MACROD2: variants seen among roughly 807,000 people sequenced by gnomAD.
The protein encoded by MACROD2 is mono-ADP ribosylhydrolase 2.
A neutral mutation model predicts 70.4 loss-of-function variants in MACROD2; 36 were observed. The observed-to-expected ratio is 0.51, with a 90% CI of 0.39 to 0.68. The LOEUF (loss-of-function observed/expected upper bound fraction) is 0.68, where lower values mean the gene tolerates loss of function less well. Ranked by LOEUF, MACROD2 falls within the 30% of genes least tolerant of loss-of-function variation. The pLI is 0.00. For missense variants in MACROD2, 496 were observed against 538.4 expected, an observed-to-expected ratio of 0.92 and a Z score of 0.78; for synonymous variants, 172 against 178.8, an observed-to-expected ratio of 0.96 and a Z score of 0.30.
Position 15,227,823 on chromosome 20 carries a change from G to GTTTTTTTTTTTTTTTTTTTTTTTTTTTTT in MACROD2, c.419-2091_419-2090insTTTTTTTTTTTTTTTTTTTTTTTTTTTTT, listed in dbSNP as rs59129207. Among the ~76,000 whole-genome samples, 19 of 46,092 alleles carry GTTTTTTTTTTTTTTTTTTTTTTTTTTTTT rather than the reference G, an allele frequency of 4.1e-4. 2 individuals carry two copies. Among genetic ancestry groups the GTTTTTTTTTTTTTTTTTTTTTTTTTTTTT allele is most frequent in the Non-Finnish European group, 5.8e-4 (15 of 26,000 alleles). 30.2% of individuals were successfully genotyped at this position (46,092 alleles called of 152,430 possible). A position where few individuals can be genotyped will look rare whatever the true frequency, so the allele number is the denominator to read the frequency against. The stretch of plus-strand genomic sequence containing the variant: ...TAACTGGTGTGATAGAATTTCACCT[G>GTTTTTTTTTTTTTTTTTTTTTTTTTTTTT]TTTTTTTTTTTTTTTTTTTTTTTTT... On this transcript the variant is annotated intron_variant, in intron 5 of 17. Coordinates refer to ENST00000684519, the MANE Select transcript of MACROD2 (RefSeq NM_001351661.2).
At chr20:14,141,169 G>A (rs1021525563) in intron 3 of MACROD2, among the ~76,000 whole-genome samples, 2 of 152,140 alleles carry the variant, frequency 1.3e-5, no homozygotes, top group Non-Finnish European at 2.9e-5. Flanking sequence ...GAACAGAGAG[G>A]TATCTGCTTG....
At chr20:15,024,932 A>G (rs183777292) in intron 5 of MACROD2, among the ~76,000 whole-genome samples, 2 of 152,252 alleles carry the variant, frequency 1.3e-5, no homozygotes, top group Admixed American at 1.3e-4. Context: ...GGGAGTTCTT[A>G]TTTCCCCCCA....
At chr20:15,234,302 G>T (rs1176083512) in intron 6 of MACROD2, among the ~76,000 whole-genome samples, 3 of 151,092 alleles carry the variant, frequency 2.0e-5, no homozygotes, top group African/African-American at 7.3e-5. Context: ...AAAGTGCTGG[G>T]ATTACAAGCG....
rs1431580677 is a variant in MACROD2, at chr20:14,100,618, A to G, written c.271+14890A>G. Among the ~76,000 whole-genome samples, 4 of 143,192 alleles carry G rather than the reference A, an allele frequency of 2.8e-5. No homozygotes were observed. In the East Asian group the frequency reaches 7.9e-4, roughly 28 times the overall value. The allele number at this position is 143,192 out of a possible 152,430, so 93.9% of individuals were successfully genotyped here. On this transcript the variant is annotated intron_variant, in intron 3 of 17. Coordinates refer to ENST00000684519, the MANE Select transcript of MACROD2 (RefSeq NM_001351661.2). Reference sequence around the variant, plus strand: ...AGACTTTAAATATTATATATAGTATATATAAAAATATATATTTTTTTTATT... The same window carrying G: ...AGACTTTAAATATTATATATAGTATGTATAAAAATATATATTTTTTTTATT...
chr20:15,002,561 G>C lies in MACROD2; in HGVS notation c.419-227379G>C, dbSNP rs147978371. On this transcript the variant is annotated intron_variant, in intron 5 of 17. Coordinates refer to ENST00000684519, the MANE Select transcript of MACROD2 (RefSeq NM_001351661.2). Reference sequence around the variant, plus strand: ...ATCACCAAGAATTTGCTTAATACTTGGTGCCTACCCAGCCTGATATTAAAC... The same window carrying C: ...ATCACCAAGAATTTGCTTAATACTTCGTGCCTACCCAGCCTGATATTAAAC... Among the ~76,000 whole-genome samples, 108 of 152,124 alleles carry C rather than the reference G, an allele frequency of 7.1e-4. 1 individual carries two copies. The highest frequency in any genetic ancestry group is 2.2e-3 in the African/African-American group (92 of 41,490).
chr20:15,028,142 C>G (rs1476636189), intron 5 of MACROD2, among the ~76,000 whole-genome samples: 1 of 152,330 alleles, frequency 6.6e-6, no homozygotes, highest in African/African-American at 2.4e-5. Flanking sequence ...TAGGGCACTG[C>G]CCCTGGAGGG....
At chr20:14,458,437 A>G (rs917236527) in intron 3 of MACROD2, among the ~76,000 whole-genome samples, 3 of 152,154 alleles carry the variant, frequency 2.0e-5, no homozygotes, top group African/African-American at 4.8e-5. Flanking sequence ...TCTGGTGACA[A>G]AGTTCTTGAA....
intron 2 of MACROD2, among the ~76,000 whole-genome samples, chr20:14,020,987 C>CTTTTTTT (rs1163077387): frequency 6.3e-5 from 7 of 111,548 alleles, no homozygotes; most frequent in Non-Finnish European, 7.2e-5. Context: ...TTTGAATATT[C>CTTTTTTT]TTTTTTTTTT....
chr20:14,257,990 G>A (rs979971940), intron 3 of MACROD2, among the ~76,000 whole-genome samples: 4 of 152,078 alleles, frequency 2.6e-5, no homozygotes, highest in African/African-American at 9.7e-5. Flanking sequence ...ATAAGATTTG[G>A]TTTTCCATTT....
intron 6 of MACROD2, among the ~76,000 whole-genome samples, chr20:15,416,767 T>TC (rs148847750): frequency 2.7e-5 from 4 of 150,814 alleles, no homozygotes; most frequent in South Asian, 4.2e-4. Context: ...AGCGGGGCGG[T>TC]GGGGGGGCGC....
chr20:14,125,852 C>T (rs183760109), intron 3 of MACROD2, among the ~76,000 whole-genome samples: 58 of 152,198 alleles, frequency 3.8e-4, no homozygotes, highest in African/African-American at 1.3e-3. Flanking sequence ...GAAATAGCCA[C>T]TTTATTGGAT....
intron 6 of MACROD2, among the ~76,000 whole-genome samples, chr20:15,319,413 T>C (rs1228402366): frequency 6.6e-6 from 1 of 152,180 alleles, no homozygotes; most frequent in Non-Finnish European, 1.5e-5. Flanking sequence ...GAAATCCCTC[T>C]CACAATTCCA....
rs897906038 is a variant in MACROD2, at chr20:15,628,690, G to A, written c.645+128843G>A. On this transcript the variant is annotated intron_variant, in intron 8 of 17. Coordinates refer to ENST00000684519, the MANE Select transcript of MACROD2 (RefSeq NM_001351661.2). ...TCAGTGCCATTCAGCTGGCAGATGG[G>A]CTAGTCTAGAAGGAGCAAGATAGCT... Among the ~76,000 whole-genome samples the A allele has an allele frequency of 6.6e-5, 10 of 152,344 alleles. No homozygotes were observed. The South Asian group carries it at 8.3e-4, about 13-fold the overall frequency.
At chr20:15,372,100 T>C (rs1341646991) in intron 6 of MACROD2, among the ~76,000 whole-genome samples, 2 of 152,248 alleles carry the variant, frequency 1.3e-5, no homozygotes, top group Non-Finnish European at 2.9e-5. Flanking sequence ...ATTATGAATA[T>C]GTCACATTTA....
chr20:14,252,119 A>G (rs979207082), intron 3 of MACROD2, among the ~76,000 whole-genome samples: 3 of 152,070 alleles, frequency 2.0e-5, no homozygotes, highest in Non-Finnish European at 2.9e-5. Flanking sequence ...AACTGTTTCT[A>G]TAAAGATGAG....
At chr20:15,071,582 A>G (rs1016998897) in intron 5 of MACROD2, among the ~76,000 whole-genome samples, 2 of 152,230 alleles carry the variant, frequency 1.3e-5, no homozygotes, top group Admixed American at 6.5e-5. Context: ...GCCTATATGC[A>G]TACTAAAGTA....
chr20:14,344,725 T>G (rs2083046894), intron 3 of MACROD2, among the ~76,000 whole-genome samples: 1 of 152,174 alleles, frequency 6.6e-6, no homozygotes, highest in South Asian at 2.1e-4. Flanking sequence ...ATGTTCAAAG[T>G]TGTTTTAAAA....
chr20:14,638,361 G>T (rs1455978193), intron 4 of MACROD2, among the ~76,000 whole-genome samples: 2 of 151,892 alleles, frequency 1.3e-5, no homozygotes, highest in Non-Finnish European at 2.9e-5. Flanking sequence ...ACAGTCCTGG[G>T]ATTTTTTTTT....
intron 5 of MACROD2, among the ~76,000 whole-genome samples, chr20:14,839,098 C>T (rs913035753): frequency 3.3e-5 from 5 of 151,984 alleles, no homozygotes; most frequent in African/African-American, 7.2e-5. Context: ...GCGTAGGGGT[C>T]GTTTGGGCTA....
Sources: gnomAD v4.1 joint callset for allele counts (sites outside exome capture counted in the v4.1 genomes callset) on GRCh38, gnomAD v4.1.1 for gene constraint, MANE v1.5 for transcripts, NCBI Gene and HGNC (gene_info 2026-07-23, HGNC 2026-07-21) for gene names.